The following QKI variants were observed in gnomAD, a reference collection of about 807,000 sequenced individuals.
The protein encoded by QKI is QKI, KH domain containing RNA binding, also known as KH domain-containing RNA-binding protein QKI.
Under a neutral mutation model 39.0 loss-of-function variants are expected in QKI, and 10 were observed. That is an observed-to-expected ratio of 0.26 (90% CI 0.16 to 0.43). QKI has a LOEUF of 0.43. QKI is among the 20% of genes least tolerant of loss of function. The pLI is 1.00. For missense variants in QKI, 218 were observed against 428.0 expected (o/e 0.51, Z 4.33); for synonymous variants, 204 against 155.4 (o/e 1.31, Z -2.33).
chr6:163,487,123 C>T (rs1235627676), intron 3 of QKI, among the ~76,000 whole-genome samples: 5 of 152,006 alleles, frequency 3.3e-5, no homozygotes, highest in African/African-American at 1.2e-4. Context: ...TCCAAACAGC[C>T]TGTTTTATCG....
At chr6:163,548,664 T>G (rs2128245589) in intron 4 of QKI, among the ~76,000 whole-genome samples, 1 of 152,202 alleles carries the variant, frequency 6.6e-6, no homozygotes. Context: ...TGAGAGAGAT[T>G]GAGGTGAGGT....
At chr6:163,570,566 CT>C (rs565056784) in intron 7 of QKI, 127 bp from the exon 8 acceptor site, 7,657 of 1,318,026 alleles carry the variant, frequency 5.8e-3, no homozygotes, top group South Asian at 0.013. Context: ...ATTAAACATG[CT>C]TTTTTTTTTA....
intron 3 of QKI, among the ~76,000 whole-genome samples, chr6:163,488,240 G>A (rs1777799983): frequency 6.6e-6 from 1 of 152,032 alleles, no homozygotes; most frequent in Non-Finnish European, 1.5e-5. Context: ...CTAGTGTAGT[G>A]TGATATGACA....
chr6:163,417,564 AT>A (rs1787623306), intron 1 of QKI, among the ~76,000 whole-genome samples: 1 of 152,150 alleles, frequency 6.6e-6, no homozygotes, highest in Non-Finnish European at 1.5e-5. Flanking sequence ...ATAATTTTTA[AT>A]CTTTCAAATC....
intron 2 of QKI, among the ~76,000 whole-genome samples, chr6:163,473,496 CTT>C (rs1194517664): frequency 1.3e-5 from 2 of 152,176 alleles, no homozygotes; most frequent in East Asian, 1.9e-4. Context: ...TTTTAAAACA[CTT>C]TTGAAGACAG....
At chr6:163,524,979 C>G (rs911036969) in intron 3 of QKI, among the ~76,000 whole-genome samples, 1 of 152,168 alleles carries the variant, frequency 6.6e-6, no homozygotes, top group African/African-American at 2.4e-5. Context: ...TAGATAAATT[C>G]AAGCATTTTG....
At chr6:163,541,292 C>T (rs564197380) in intron 4 of QKI, among the ~76,000 whole-genome samples, 212 of 151,988 alleles carry the variant, frequency 1.4e-3, no homozygotes, top group Non-Finnish European at 2.3e-3. Context: ...CTGTAGATTT[C>T]TAATTTGTTA....
Position 163,572,563 on chromosome 6 carries a change from T to C in QKI, c.*1853T>C, listed in dbSNP as rs1455408061. On this transcript the variant is annotated 3_prime_UTR_variant, in exon 8 of 8. Coordinates refer to ENST00000361752, the MANE Select transcript of QKI (RefSeq NM_006775.3). ...TAATTTCTCAAGAAGTTGAAACAGT[T>C]AGTTATGTAGTTGAAGCAATTTGTG... 6.6e-6 allele frequency: 1 copy of C among 151,896 alleles called. No individual in the cohort carries two copies. Among genetic ancestry groups the C allele is most frequent in the Admixed American group, 6.6e-5 (1 of 15,248 alleles). 9.4% of individuals were successfully genotyped at this position (151,896 alleles called of 1,614,324 possible).
chr6:163,482,849 A>G (rs1793181196), intron 3 of QKI, among the ~76,000 whole-genome samples: 1 of 152,142 alleles, frequency 6.6e-6, no homozygotes, highest in South Asian at 2.1e-4. Flanking sequence ...ACTGATGTTC[A>G]TCATTGGCCA....
At chr6:163,535,525 ATTT>A (rs34841140) in intron 4 of QKI, among the ~76,000 whole-genome samples, 4 of 148,720 alleles carry the variant, frequency 2.7e-5, no homozygotes, top group African/African-American at 9.8e-5. Flanking sequence ...CCAGAGTATA[ATTT>A]TTTTTTTTTT....
chr6:163,477,132 C>A (rs929242724), intron 2 of QKI, among the ~76,000 whole-genome samples: 1 of 151,626 alleles, frequency 6.6e-6, no homozygotes, highest in African/African-American at 2.4e-5. Context: ...TCTCATGCCT[C>A]GGCCACCCAG....
chr6:163,540,877 C>CT (rs1303270395), intron 4 of QKI, among the ~76,000 whole-genome samples: 4 of 151,386 alleles, frequency 2.6e-5, no homozygotes, highest in East Asian at 1.9e-4. Context: ...CAAATATCTA[C>CT]TTTTTTTTTC....
At chr6:163,569,195 A>G in intron 7 of QKI, 1 of 959,512 alleles carries the variant, frequency 1.0e-6, no homozygotes, top group Non-Finnish European at 1.2e-6. Context: ...TTTTAAATAA[A>G]ATTCCACTTT....
Position 163,578,515 on chromosome 6 carries a change from GATAAT to G in QKI, c.*7808_*7812del, listed in dbSNP as rs1777705337. On this transcript the variant is annotated 3_prime_UTR_variant, in exon 8 of 8. Transcript: ENST00000361752. ...TGGTTTGAATACATTTTAATTAAATGATAATATGTTAATATGCTTTTGTTCATTGC... is the reference window on the plus strand; with the variant it reads ...TGGTTTGAATACATTTTAATTAAATGATGTTAATATGCTTTTGTTCATTGC... 6.6e-6 allele frequency: 1 copy of G among 152,146 alleles called. No individual in the cohort carries two copies. Among genetic ancestry groups the G allele is most frequent in the Admixed American group, 6.5e-5 (1 of 15,280 alleles). The allele number at this position is 152,146 out of a possible 1,614,324, so 9.4% of individuals were successfully genotyped here. A position where few individuals can be genotyped will look rare whatever the true frequency, so the allele number is the denominator to read the frequency against.
At chr6:163,439,166 T>TC (rs1789541455) in intron 1 of QKI, among the ~76,000 whole-genome samples, 1 of 152,110 alleles carries the variant, frequency 6.6e-6, no homozygotes, top group Non-Finnish European at 1.5e-5. Flanking sequence ...CCAGTGTGTC[T>TC]CCAGCACAGT....
intron 3 of QKI, among the ~76,000 whole-genome samples, chr6:163,507,368 C>T (rs1331921613): frequency 1.3e-5 from 2 of 152,126 alleles, no homozygotes; most frequent in East Asian, 1.9e-4. Context: ...AAAATATGCA[C>T]GATAAAAACC....
chr6:163,435,406 TG>T (rs1438921099), intron 1 of QKI, among the ~76,000 whole-genome samples: 1 of 152,190 alleles, frequency 6.6e-6, no homozygotes, highest in Non-Finnish European at 1.5e-5. Context: ...TAATGGAAAT[TG>T]CAGACCTTGA....
chr6:163,568,976 A>T, intron 7 of QKI: 1 of 986,132 alleles, frequency 1.0e-6, no homozygotes, highest in Non-Finnish European at 1.2e-6. Context: ...TATATTCCAC[A>T]CTCAGAAAAG....
At chr6:163,494,415 T>C (rs770770440) in intron 3 of QKI, among the ~76,000 whole-genome samples, 3 of 152,200 alleles carry the variant, frequency 2.0e-5, no homozygotes, top group African/African-American at 4.8e-5. Context: ...ACAGTGTTGA[T>C]TTTTTATTTG....
Sources: allele counts gnomAD v4.1 joint callset (sites outside exome capture counted in the v4.1 genomes callset), GRCh38; gene constraint gnomAD v4.1.1; transcripts MANE v1.5; gene names NCBI Gene and HGNC (gene_info 2026-07-23, HGNC 2026-07-21).